The following ARHGAP12 variants were observed in gnomAD, a reference collection of about 807,000 sequenced individuals.
The protein encoded by ARHGAP12 is rho GTPase-activating protein 12.
ARHGAP12 carries 64 observed loss-of-function variants against 108.6 expected under a neutral mutation model. That is an observed-to-expected ratio of 0.59 (90% CI 0.48 to 0.73). ARHGAP12 has a LOEUF of 0.73. Ranked by LOEUF, ARHGAP12 falls within the 30% of genes least tolerant of loss-of-function variation. The pLI, the probability that ARHGAP12 is intolerant of heterozygous loss-of-function variation, is 0.00. For missense variants in ARHGAP12, 940 were observed against 1,005.9 expected (o/e 0.93, Z 0.89); for synonymous variants, 312 against 337.2 (o/e 0.93, Z 0.82).
chr10:31,814,534 G>T (rs956926066), intron 13 of ARHGAP12, among the ~76,000 whole-genome samples, 173 bp from the exon 14 acceptor site: 1 of 151,914 alleles, frequency 6.6e-6, no homozygotes, highest in African/African-American at 2.4e-5. Context: ...TTTCTCCCTA[G>T]ATGGCATCAA....
chr10:31,860,762 T>C (rs188741810), intron 4 of ARHGAP12, among the ~76,000 whole-genome samples: 460 of 152,290 alleles, frequency 3.0e-3, no homozygotes, highest in Non-Finnish European at 5.3e-3. Flanking sequence ...CTGGGTCACA[T>C]CACATTTCTA....
intron 1 of ARHGAP12, among the ~76,000 whole-genome samples, chr10:31,921,079 C>T (rs1048347148): frequency 1.3e-5 from 2 of 151,990 alleles, no homozygotes; most frequent in Middle Eastern, 6.8e-3. Flanking sequence ...GAGTTCAAGA[C>T]CAGCCTGGTG....
intron 1 of ARHGAP12, among the ~76,000 whole-genome samples, chr10:31,911,339 A>G (rs1374321776): frequency 6.6e-6 from 1 of 152,182 alleles, no homozygotes; most frequent in Non-Finnish European, 1.5e-5. Context: ...CTTTCGAGAC[A>G]CAGTCTCACT....
chr10:31,904,230 T>C (rs1839034307), intron 3 of ARHGAP12, among the ~76,000 whole-genome samples: 1 of 152,208 alleles, frequency 6.6e-6, no homozygotes, highest in South Asian at 2.1e-4. Flanking sequence ...TATGGATAAA[T>C]GGTTAAATAA....
rs548414626 is a variant in ARHGAP12 at position 31,910,036 on chromosome 10, G to T, written c.-72+489C>A. 1.6e-4 allele frequency among the ~76,000 whole-genome samples: 25 copies of T among 152,290 alleles called. No individual in the cohort carries two copies. The South Asian group carries it at 5.2e-3, about 32-fold the overall frequency. On this transcript the variant is annotated intron_variant, in intron 2 of 19. Transcript: ENST00000344936. ...CACCAAGGACTGCTGGCAACCACCA[G>T]AAGTCAGGCAGGGGTGAGGAAGGAA...
At chr10:31,826,472 C>T in intron 10 of ARHGAP12, 87 bp from the exon 11 acceptor site, 2 of 978,446 alleles carry the variant, frequency 2.0e-6, no homozygotes, top group South Asian at 3.3e-5. Context: ...TAGCTCTTAT[C>T]AATGTTATCT....
At chr10:31,812,349 T>A (rs1835054104) in intron 15 of ARHGAP12, among the ~76,000 whole-genome samples, 1 of 152,164 alleles carries the variant, frequency 6.6e-6, no homozygotes, top group African/African-American at 2.4e-5. Context: ...TTTGTTCATT[T>A]TTCTTTCTAT....
chr10:31,918,365 GA>G lies in ARHGAP12; in HGVS notation c.-110-7803del, dbSNP rs1174097974. The stretch of plus-strand genomic sequence containing the variant: ...CACACACACACACACACACACCAAT[GA>G]GATACCACTTCACACCCAACAGGAC... On this transcript the variant is annotated intron_variant, in intron 1 of 19. Transcript: ENST00000344936. 2.1e-5 allele frequency among the ~76,000 whole-genome samples: 3 copies of G among 144,044 alleles called. No individual in the cohort carries two copies. In the Admixed American group the frequency reaches 2.1e-4, roughly 10 times the overall value. 94.5% of individuals were successfully genotyped at this position (144,044 alleles called of 152,430 possible).
chr10:31,900,064 T>G (rs1026076136), intron 3 of ARHGAP12, among the ~76,000 whole-genome samples: 3 of 152,142 alleles, frequency 2.0e-5, no homozygotes, highest in Admixed American at 6.5e-5. Flanking sequence ...AAGACCTGAA[T>G]AGGCACTTCA....
chr10:31,923,534 A>T (rs564326887), intron 1 of ARHGAP12, among the ~76,000 whole-genome samples: 1 of 152,230 alleles, frequency 6.6e-6, no homozygotes, highest in Admixed American at 6.5e-5. Context: ...GAAACTCGCA[A>T]GTCAATCAAC....
Position 31,861,490 on chromosome 10 carries a change from T to A in ARHGAP12, c.853A>T (p.Asn285Tyr). ...CAAGTTCTTTCCTGTGTCCCTCTGT[T>A]ATAGTAATAGCAACGCCCTGAGCTG... The part of the protein sequence containing the change: ...KDSSGRCYYY[N>Y]RGTQERTWKP... Residue 285 changes from asparagine to tyrosine, a missense_variant, in exon 4 of 20, where the codon AAC becomes TAC. Coordinates refer to ENST00000344936, the MANE Select transcript of ARHGAP12 (RefSeq NM_018287.7). 6.2e-7 allele frequency: 1 copy of A among 1,614,124 alleles called. No individual in the cohort carries two copies. The highest frequency in any genetic ancestry group is 8.5e-7 in the Non-Finnish European group (1 of 1,180,014).
intron 1 of ARHGAP12, among the ~76,000 whole-genome samples, chr10:31,922,006 G>A (rs866352362): frequency 3.3e-5 from 5 of 150,688 alleles, no homozygotes; most frequent in East Asian, 2.0e-4. Flanking sequence ...CCTGGGCAAC[G>A]TGGTGAAACC....
At chr10:31,885,744 G>T (rs550861199) in intron 3 of ARHGAP12, among the ~76,000 whole-genome samples, 1 of 151,890 alleles carries the variant, frequency 6.6e-6, no homozygotes, top group East Asian at 1.9e-4. Flanking sequence ...GCTTGAACCT[G>T]GGAGGCAGAG....
intron 3 of ARHGAP12, among the ~76,000 whole-genome samples, chr10:31,879,170 G>T (rs1837845655): frequency 6.6e-6 from 1 of 152,202 alleles, no homozygotes; most frequent in Non-Finnish European, 1.5e-5. Flanking sequence ...CAGCAGTTGG[G>T]GAGGCCTAGG....
chr10:31,870,953 C>G (rs181018805), intron 3 of ARHGAP12, among the ~76,000 whole-genome samples: 2 of 152,280 alleles, frequency 1.3e-5, no homozygotes, highest in Admixed American at 6.5e-5. Context: ...GAAAATAGGA[C>G]AGTCCCTGTC....
intron 15 of ARHGAP12, among the ~76,000 whole-genome samples, chr10:31,811,319 G>T (rs988345433): frequency 1.1e-4 from 16 of 152,114 alleles, no homozygotes; most frequent in African/African-American, 3.9e-4. Context: ...GCATATGTCC[G>T]TCCATCACGT....
At chr10:31,840,906 C>T (rs1836239362) in intron 7 of ARHGAP12, among the ~76,000 whole-genome samples, 1 of 151,988 alleles carries the variant, frequency 6.6e-6, no homozygotes, top group Non-Finnish European at 1.5e-5. Context: ...AAAAATTTAA[C>T]TTAAGATCCA....
At chr10:31,807,980 GA>G (rs1834877519) in intron 19 of ARHGAP12, 148 bp from the exon 20 acceptor site, 1 of 515,650 alleles carries the variant, frequency 1.9e-6, no homozygotes. Context: ...TAACCAAGTA[GA>G]ATTCTGTCTA....
At chr10:31,925,655 C>A (rs1393495064) in intron 1 of ARHGAP12, among the ~76,000 whole-genome samples, 2 of 152,172 alleles carry the variant, frequency 1.3e-5, no homozygotes, top group Non-Finnish European at 2.9e-5. Context: ...GATATTCTAA[C>A]AACAACCGGT....
Sources: allele counts gnomAD v4.1 joint callset (sites outside exome capture counted in the v4.1 genomes callset), GRCh38; gene constraint gnomAD v4.1.1; transcripts MANE v1.5; gene names NCBI Gene and HGNC (gene_info 2026-07-23, HGNC 2026-07-21).